The following PLCH1 variants were observed in gnomAD, a reference collection of about 807,000 sequenced individuals.
The protein encoded by PLCH1 is phospholipase C eta 1.
A neutral mutation model predicts 126.7 loss-of-function variants in PLCH1; 60 were observed. The observed-to-expected ratio is 0.47, with a 90% CI of 0.38 to 0.59. The LOEUF (loss-of-function observed/expected upper bound fraction) is 0.59, where lower values mean the gene tolerates loss of function less well. Among genes scored for constraint, PLCH1 ranks in the 20% least tolerant of loss-of-function variants. The pLI is 0.00. For missense variants in PLCH1, 1,723 were observed against 2,040.0 expected (o/e 0.84, Z 2.99); for synonymous variants, 719 against 734.9 (o/e 0.98, Z 0.35).
chr3:155,727,637 C>T (rs1376886031), intron 1 of PLCH1, among the ~76,000 whole-genome samples: 2 of 152,302 alleles, frequency 1.3e-5, no homozygotes, highest in East Asian at 3.9e-4. Flanking sequence ...ATCCGCCCGT[C>T]TCGGCCTCCC....
Position 155,481,772 on chromosome 3 carries a change from A to T in PLCH1, c.4254T>A (p.Asp1418Glu), listed in dbSNP as rs1445413567. 6.2e-7 allele frequency: 1 copy of T among 1,614,050 alleles called. No individual in the cohort carries two copies. Among genetic ancestry groups the T allele is most frequent in the Non-Finnish European group, 8.5e-7 (1 of 1,179,990 alleles). Residue 1418 changes from aspartate (D) to glutamate (E), a missense_variant, in exon 23 of 23, where the codon GAT (aspartate) becomes GAA (glutamate). Physicochemically the swap from Asp to Glu is conservative, Grantham distance 45. Coordinates refer to ENST00000460012, the MANE Select transcript of PLCH1 (RefSeq NM_014996.4). The surrounding 1 kb of genome is among the most constrained non-coding windows in gnomAD (Gnocchi z 4.2). ...SVPEIFNNIQDVKTQSISYLA... is the reference protein window; with the variant it reads ...SVPEIFNNIQEVKTQSISYLA... Reference sequence around the variant, plus strand: ...GATAAGAAATACTTTGAGTTTTGACATCTTGAATATTGTTGAATATTTCAG... The same window carrying T: ...GATAAGAAATACTTTGAGTTTTGACTTCTTGAATATTGTTGAATATTTCAG...
intron 2 of PLCH1, among the ~76,000 whole-genome samples, chr3:155,643,698 A>G (rs1489433944): frequency 6.6e-6 from 1 of 152,192 alleles, no homozygotes; most frequent in East Asian, 1.9e-4. Flanking sequence ...GTGATGCCTC[A>G]GCATGTACGC....
intron 1 of PLCH1, among the ~76,000 whole-genome samples, chr3:155,710,696 G>A (rs189925880): frequency 7.9e-5 from 12 of 152,146 alleles, no homozygotes; most frequent in African/African-American, 2.7e-4. Flanking sequence ...AGCCAGTCGT[G>A]TTAGCATGCA....
chr3:155,670,069 A>T (rs1743251647), intron 2 of PLCH1, among the ~76,000 whole-genome samples: 1 of 152,246 alleles, frequency 6.6e-6, no homozygotes, highest in African/African-American at 2.4e-5. Context: ...AGTTCATTTT[A>T]GCATTTGATA....
chr3:155,485,331 C>T (rs1208134838), intron 22 of PLCH1, 25 bp downstream of exon 22: 3 of 1,492,436 alleles, frequency 2.0e-6, no homozygotes, highest in African/African-American at 2.8e-5. Context: ...AGGGTTTATT[C>T]TCAGAGAAAC....
At chr3:155,564,763 A>AT (rs1728098316) in intron 8 of PLCH1, 152 bp downstream of exon 8, 2 of 567,588 alleles carry the variant, frequency 3.5e-6, no homozygotes, top group Non-Finnish European at 6.3e-6. Context: ...AGAGAGAATT[A>AT]TGAGTTAAGA....
chr3:155,524,022 A>T lies in PLCH1; in HGVS notation c.1363-18T>A. On this transcript the variant is annotated intron_variant, in intron 10 of 22. Transcript: ENST00000460012. ...TTCTTACCCTGAAATGGAACAAAAC[A>T]TCCCATTTAAAAATGAGAATAAATT... 2.2e-6 allele frequency: 3 copies of T among 1,374,892 alleles called. No homozygotes were observed. Among genetic ancestry groups the T allele is most frequent in the Non-Finnish European group, 3.1e-6 (3 of 970,074 alleles). The allele number at this position is 1,374,892 out of a possible 1,614,324, so 85.2% of individuals were successfully genotyped here. A position where few individuals can be genotyped will look rare whatever the true frequency, so the allele number is the denominator to read the frequency against.
chr3:155,566,487 T>C (rs1728560741), intron 7 of PLCH1, among the ~76,000 whole-genome samples: 1 of 151,578 alleles, frequency 6.6e-6, no homozygotes, highest in Non-Finnish European at 1.5e-5. Flanking sequence ...ACTGATGCCA[T>C]GTTAAAACCA....
At chr3:155,665,086 T>C (rs1742577728) in intron 2 of PLCH1, among the ~76,000 whole-genome samples, 1 of 138,652 alleles carries the variant, frequency 7.2e-6, no homozygotes, top group African/African-American at 2.5e-5. Flanking sequence ...CTGGCTAACA[T>C]GATCCTCTGC....
intron 2 of PLCH1, among the ~76,000 whole-genome samples, chr3:155,635,238 G>C (rs1738581767): frequency 6.6e-6 from 1 of 151,188 alleles, no homozygotes; most frequent in South Asian, 2.1e-4. Flanking sequence ...CCATCTACTT[G>C]TCACAAACTC....
At chr3:155,527,955 G>A (rs1722182126) in intron 10 of PLCH1, among the ~76,000 whole-genome samples, 1 of 151,354 alleles carries the variant, frequency 6.6e-6, no homozygotes, top group African/African-American at 2.4e-5. Context: ...CAGGCACAGT[G>A]GCTCCTGCCT....
At chr3:155,494,584 A>G in intron 15 of PLCH1, 67 bp from the exon 16 acceptor site, 2 of 1,260,264 alleles carry the variant, frequency 1.6e-6, no homozygotes, top group South Asian at 2.6e-5. Flanking sequence ...CGCACAGAAG[A>G]CTTTATAATA....
Position 155,482,042 on chromosome 3 carries a change from G to C in PLCH1, c.3984C>G (p.Ser1328=). 6.2e-7 allele frequency: 1 copy of C among 1,614,118 alleles called. No homozygotes were observed. Among genetic ancestry groups the C allele is most frequent in the African/African-American group, 1.3e-5 (1 of 75,046 alleles). Residue 1328 remains serine (S), a synonymous_variant, in exon 23 of 23, where the codon TCC becomes TCG. Transcript: ENST00000460012. Reference sequence around the variant, plus strand: ...TTACATCCTCCAGGGTCAAATCAGGGGAAGAGGCAGGGCTGCAGCTCTTCA... The same window carrying C: ...TTACATCCTCCAGGGTCAAATCAGGCGAAGAGGCAGGGCTGCAGCTCTTCA... The part of the protein sequence containing the change: ...ETLKSCSPAS[S]PDLTLEDVIA...
intron 2 of PLCH1, among the ~76,000 whole-genome samples, chr3:155,641,076 T>C (rs1272157721): frequency 2.0e-5 from 3 of 152,040 alleles, no homozygotes; most frequent in Non-Finnish European, 4.4e-5. Context: ...GCAAATTAGG[T>C]ACTGAAATGG....
intron 9 of PLCH1, among the ~76,000 whole-genome samples, chr3:155,550,183 C>G (rs1246709478): frequency 6.6e-6 from 1 of 152,110 alleles, no homozygotes; most frequent in Non-Finnish European, 1.5e-5. Flanking sequence ...AAATACCAAT[C>G]CACATGGGAT....
intron 15 of PLCH1, 112 bp downstream of exon 15, chr3:155,497,208 T>C: frequency 1.4e-6 from 1 of 734,024 alleles, no homozygotes; most frequent in East Asian, 2.6e-5. Context: ...GGTTTCTACA[T>C]AGTCCCAAAA....
At chr3:155,454,397 C>T (rs948694635) in intron 21 of PLCH1, among the ~76,000 whole-genome samples, 15 of 152,154 alleles carry the variant, frequency 9.9e-5, no homozygotes, top group Admixed American at 9.2e-4. Context: ...GCAGGAGGAT[C>T]ATTAGATCCC....
chr3:155,487,980 A>C, intron 21 of PLCH1, 48 bp downstream of exon 21: 1 of 1,118,806 alleles, frequency 8.9e-7, no homozygotes, highest in Non-Finnish European at 1.4e-6. Flanking sequence ...TAGCATTGTT[A>C]AGGACCATAT....
At chr3:155,542,492 G>C (rs907925418) in intron 10 of PLCH1, among the ~76,000 whole-genome samples, 3 of 152,150 alleles carry the variant, frequency 2.0e-5, no homozygotes, top group African/African-American at 7.2e-5. Flanking sequence ...AGTAACTTCT[G>C]CAGACTTAAA....
Sources: allele counts gnomAD v4.1 joint callset (sites outside exome capture counted in the v4.1 genomes callset), GRCh38; gene constraint gnomAD v4.1.1; non-coding constraint Gnocchi (gnomAD v3.1); transcripts MANE v1.5; gene names NCBI Gene and HGNC (gene_info 2026-07-23, HGNC 2026-07-21).